Variants in SLC17A1 observed in about 807,000 individuals in gnomAD.
SLC17A1 encodes the protein solute carrier family 17 member 1.
In SLC17A1, 51 loss-of-function variants were observed where a neutral mutation model predicts 53.5. The ratio of observed to expected loss-of-function variants is 0.95; its 90% CI spans 0.76 to 1.20. SLC17A1 has a LOEUF of 1.20. Ranked by LOEUF, SLC17A1 falls within the 50% of genes most tolerant of loss-of-function variation. The pLI, the probability that SLC17A1 is intolerant of heterozygous loss-of-function variation, is 0.00. For missense variants in SLC17A1, 538 were observed against 568.2 expected (o/e 0.95, Z 0.54); for synonymous variants, 179 against 198.8 (o/e 0.90, Z 0.84).
chr6:25,771,017 G>T, the SLC17A1 span: 7 of 1,612,074 alleles, frequency 4.3e-6, no homozygotes, highest in South Asian at 7.7e-5. Flanking sequence ...TCTTTGGTGA[G>T]TGTGCTTTTC....
chr6:25,749,654 A>C, the SLC17A1 span, among the ~76,000 whole-genome samples: 18 of 152,306 alleles, frequency 1.2e-4, no homozygotes, highest in Admixed American at 1.0e-3. Flanking sequence ...CAGTTCAATA[A>C]AGCCAGAGGG....
chr6:25,726,433 T>G, the SLC17A1 span: 1 of 1,614,092 alleles, frequency 6.2e-7, no homozygotes, highest in Non-Finnish European at 8.5e-7. Flanking sequence ...AAGCAGACGA[T>G]GGATCCGGCC....
the SLC17A1 span, among the ~76,000 whole-genome samples, chr6:25,748,612 G>A: frequency 1.6e-4 from 25 of 152,150 alleles, 1 homozygote; most frequent in Admixed American, 1.6e-3. Flanking sequence ...CCGGCGCTCA[G>A]CATACGGAGG....
intron 5 of SLC17A1, 34 bp downstream of exon 5, chr6:25,819,477 T>A (rs764858514): frequency 1.3e-6 from 2 of 1,500,534 alleles, no homozygotes; most frequent in Non-Finnish European, 1.9e-6. Flanking sequence ...GAGATGAAGA[T>A]AGGATTCAAA....
Position 25,818,927 on chromosome 6 carries a change from T to C in SLC17A1, c.616+141A>G, listed in dbSNP as rs975206678. 8.5e-6 allele frequency: 5 copies of C among 588,740 alleles called. No individual in the cohort carries two copies. In the African/African-American group the frequency reaches 9.3e-5, roughly 11 times the overall value. The allele number at this position is 588,740 out of a possible 1,614,324, so 36.5% of individuals were successfully genotyped here. A position where few individuals can be genotyped will look rare whatever the true frequency, so the allele number is the denominator to read the frequency against. ...TTGCTTGTGATAGGAACTTAATGAG[T>C]ATTGACTTCTCTCTTTCACTCAGTG... On this transcript the variant is annotated intron_variant, in intron 6 of 12. Transcript: ENST00000244527.
intron 6 of SLC17A1, among the ~76,000 whole-genome samples, chr6:25,814,568 G>GA (rs1434346658): frequency 1.3e-5 from 2 of 152,062 alleles, no homozygotes; most frequent in Non-Finnish European, 2.9e-5. Context: ...TACTATAATA[G>GA]AAATAAAGAA....
the SLC17A1 span, chr6:25,727,053 C>T: frequency 6.2e-7 from 1 of 1,614,250 alleles, no homozygotes; most frequent in African/African-American, 1.3e-5. Context: ...AGTGCTAAAG[C>T]AGGTCCATCC....
At chr6:25,795,545 C>G (rs1186891459) in intron 12 of SLC17A1, among the ~76,000 whole-genome samples, 1 of 151,672 alleles carries the variant, frequency 6.6e-6, no homozygotes, top group Non-Finnish European at 1.5e-5. Context: ...AAATAAGATG[C>G]TAGAAAATGA....
chr6:25,735,359 A>T, the SLC17A1 span, among the ~76,000 whole-genome samples: 4 of 152,332 alleles, frequency 2.6e-5, no homozygotes, highest in African/African-American at 9.6e-5. Flanking sequence ...GAAGGGACAT[A>T]AGTACATCTG....
At chr6:25,779,975 TCTGA>T (rs1179648903), downstream of SLC17A1, 4 of 152,232 alleles carry the variant, frequency 2.6e-5, no homozygotes, top group African/African-American at 9.6e-5. Flanking sequence ...CGTTTGCCCC[TCTGA>T]CTGTTGGAAT....
chr6:25,825,835 C>A (rs957540839), intron 3 of SLC17A1, among the ~76,000 whole-genome samples: 3 of 152,002 alleles, frequency 2.0e-5, no homozygotes, highest in Non-Finnish European at 4.4e-5. Context: ...TTTTAAAATT[C>A]TCTTTCTCTT....
At chr6:25,805,467 T>C (rs566917045) in intron 10 of SLC17A1, among the ~76,000 whole-genome samples, 1 of 151,244 alleles carries the variant, frequency 6.6e-6, no homozygotes, top group African/African-American at 2.4e-5. Context: ...CTCAAGGAAC[T>C]AGAGGAAAAA....
the SLC17A1 span, chr6:25,754,722 G>A: frequency 6.6e-6 from 1 of 152,168 alleles, no homozygotes; most frequent in Non-Finnish European, 1.5e-5. Context: ...TTAGACAATT[G>A]CAAAGAGCTT....
At chr6:25,817,355 A>G (rs1764394316) in intron 6 of SLC17A1, among the ~76,000 whole-genome samples, 1 of 152,242 alleles carries the variant, frequency 6.6e-6, no homozygotes, top group South Asian at 2.1e-4. Context: ...CCACTAACGA[A>G]CAGGTCGTTT....
At chr6:25,767,926 C>T in the SLC17A1 span, among the ~76,000 whole-genome samples, 1 of 152,078 alleles carries the variant, frequency 6.6e-6, no homozygotes, top group Non-Finnish European at 1.5e-5. Context: ...AGTTACACAA[C>T]AATAAAAAGT....
At chr6:25,810,372 C>T (rs1561834296) in intron 10 of SLC17A1, among the ~76,000 whole-genome samples, 1 of 151,882 alleles carries the variant, frequency 6.6e-6, no homozygotes, top group African/African-American at 2.4e-5. Flanking sequence ...ATATAATAAG[C>T]GGTTAATATC....
At chr6:25,728,498 T>G in the SLC17A1 span, among the ~76,000 whole-genome samples, 2 of 152,104 alleles carry the variant, frequency 1.3e-5, no homozygotes, top group East Asian at 3.9e-4. Flanking sequence ...ATTTTGGATA[T>G]GTATATGTGC....
chr6:25,728,966 A>G, the SLC17A1 span, among the ~76,000 whole-genome samples: 1 of 152,356 alleles, frequency 6.6e-6, no homozygotes, highest in East Asian at 1.9e-4. Context: ...GGGAAGGGGC[A>G]TCTAGCATCT....
At chr6:25,781,493 TTG>T (rs78237122), downstream of SLC17A1, among the ~76,000 whole-genome samples, 15,769 of 152,192 alleles carry the variant, frequency 0.1, 1,033 homozygotes, top group Middle Eastern at 0.15. Flanking sequence ...TTTGTCGCTT[TTG>T]TGTTGCTATA....
Sources: allele counts gnomAD v4.1 joint callset (sites outside exome capture counted in the v4.1 genomes callset), GRCh38; gene constraint gnomAD v4.1.1; transcripts MANE v1.5; gene names NCBI Gene and HGNC (gene_info 2026-07-23, HGNC 2026-07-21).